TMEM132D: variants seen among roughly 807,000 people sequenced by gnomAD.
TMEM132D encodes mature OL transmembrane protein.
In TMEM132D, 21 loss-of-function variants were observed where a neutral mutation model predicts 62.3. The ratio of observed to expected loss-of-function variants is 0.34; its 90% confidence interval spans 0.24 to 0.49. The LOEUF (loss-of-function observed/expected upper bound fraction) is 0.49. TMEM132D is among the 20% of genes least tolerant of loss of function. The probability of loss-of-function intolerance (pLI) is 0.99; values close to 1 mark genes in which losing one functional copy is unlikely to be tolerated. For synonymous variants in TMEM132D, 621 were observed against 575.6 expected (o/e 1.08, Z -1.13); for missense variants, 1,346 against 1,402.8 (o/e 0.96, Z 0.65).
intron 3 of TMEM132D, among the ~76,000 whole-genome samples, chr12:129,457,571 C>A (rs182855445): frequency 6.6e-6 from 1 of 151,692 alleles, no homozygotes; most frequent in East Asian, 2.0e-4. Context: ...TGCACATGTA[C>A]CCTAAAACTT....
chr12:129,129,901 C>T (rs1386790377), intron 5 of TMEM132D, among the ~76,000 whole-genome samples: 3 of 152,160 alleles, frequency 2.0e-5, no homozygotes, highest in South Asian at 4.2e-4. Context: ...ATTAACACAT[C>T]CTCATATTTG....
chr12:129,276,845 T>C (rs1881020166), intron 4 of TMEM132D, among the ~76,000 whole-genome samples: 1 of 152,252 alleles, frequency 6.6e-6, no homozygotes, highest in South Asian at 2.1e-4. Context: ...AACGGATTTA[T>C]TGTTCTTACA....
intron 2 of TMEM132D, among the ~76,000 whole-genome samples, chr12:129,688,658 C>T (rs1880988468): frequency 6.6e-6 from 1 of 151,810 alleles, no homozygotes; most frequent in South Asian, 2.1e-4. Context: ...CAATGACATC[C>T]ACTCATCCTT....
intron 4 of TMEM132D, among the ~76,000 whole-genome samples, chr12:129,264,558 C>T (rs968747360): frequency 6.6e-6 from 1 of 152,150 alleles, no homozygotes; most frequent in African/African-American, 2.4e-5. Flanking sequence ...CCAGCAAACC[C>T]ACTACTGAGT....
intron 2 of TMEM132D, among the ~76,000 whole-genome samples, chr12:129,636,289 C>G (rs1240616029): frequency 6.6e-6 from 1 of 152,090 alleles, no homozygotes; most frequent in East Asian, 1.9e-4. Flanking sequence ...CAAAATACAT[C>G]AAAAAAATCT....
chr12:129,556,768 C>T (rs1301371776), intron 2 of TMEM132D, among the ~76,000 whole-genome samples: 1 of 152,172 alleles, frequency 6.6e-6, no homozygotes, highest in African/African-American at 2.4e-5. Flanking sequence ...TCCTCAGCTG[C>T]GCAGCATCAC....
At chr12:129,675,560 G>A (rs540315171) in intron 2 of TMEM132D, among the ~76,000 whole-genome samples, 26 of 152,224 alleles carry the variant, frequency 1.7e-4, no homozygotes, top group South Asian at 4.1e-4. Flanking sequence ...TAAAATTATC[G>A]TGTATGTTAC....
intron 3 of TMEM132D, among the ~76,000 whole-genome samples, chr12:129,372,828 T>C (rs1357287679): frequency 6.6e-6 from 1 of 152,078 alleles, no homozygotes; most frequent in Non-Finnish European, 1.5e-5. Flanking sequence ...CGTTATATGT[T>C]ACAATGTAAG....
intron 1 of TMEM132D, among the ~76,000 whole-genome samples, chr12:129,835,931 C>T (rs1872990736): frequency 6.6e-6 from 1 of 152,226 alleles, no homozygotes; most frequent in South Asian, 2.1e-4. Flanking sequence ...GATGGTACAA[C>T]TCCCAGATGC....
intron 3 of TMEM132D, among the ~76,000 whole-genome samples, chr12:129,416,238 G>T (rs2135708347): frequency 6.6e-6 from 1 of 152,282 alleles, no homozygotes; most frequent in Non-Finnish European, 1.5e-5. Context: ...TCCTTGAGCA[G>T]TGGTTTGTAG....
intron 3 of TMEM132D, among the ~76,000 whole-genome samples, chr12:129,446,592 C>A (rs1162876829): frequency 2.6e-5 from 4 of 152,176 alleles, no homozygotes; most frequent in African/African-American, 4.8e-5. Flanking sequence ...CTTCTCAAAT[C>A]TCTGCTCTTG....
chr12:129,583,056 C>T (rs145323602), intron 2 of TMEM132D, among the ~76,000 whole-genome samples: 2 of 152,220 alleles, frequency 1.3e-5, no homozygotes, highest in Non-Finnish European at 2.9e-5. Flanking sequence ...GATCTGCCCA[C>T]CTCAGCCTCC....
chr12:129,203,263 A>G (rs907628427), intron 5 of TMEM132D, among the ~76,000 whole-genome samples: 1 of 152,152 alleles, frequency 6.6e-6, no homozygotes, highest in African/African-American at 2.4e-5. Context: ...ATGTTATCTG[A>G]CCACATGACA....
At chr12:129,879,100 A>G (rs1223760071) in intron 1 of TMEM132D, among the ~76,000 whole-genome samples, 1 of 152,182 alleles carries the variant, frequency 6.6e-6, no homozygotes, top group African/African-American at 2.4e-5. Flanking sequence ...AATGCAGTCT[A>G]TTTTCCTTGT....
chr12:129,383,794 T>C (rs1217542117), intron 3 of TMEM132D, among the ~76,000 whole-genome samples: 2 of 152,204 alleles, frequency 1.3e-5, no homozygotes, highest in African/African-American at 2.4e-5. Context: ...CAATGGTTCT[T>C]GCCCTCACTG....
chr12:129,192,017 A>G (rs758862341), intron 5 of TMEM132D, among the ~76,000 whole-genome samples: 2 of 152,182 alleles, frequency 1.3e-5, no homozygotes, highest in Non-Finnish European at 2.9e-5. Context: ...TATCTTCTGA[A>G]CCCTGGGTCT....
intron 2 of TMEM132D, among the ~76,000 whole-genome samples, chr12:129,549,166 A>C (rs1239104364): frequency 4.6e-4 from 59 of 128,996 alleles, no homozygotes; most frequent in East Asian, 1.6e-3. Flanking sequence ...GTTCCCCCCT[A>C]CTGTTCTCGT....
rs1451389485 is a variant in TMEM132D at position 129,259,277 on chromosome 12, C to T, written c.1300-49614G>A. Among the ~76,000 whole-genome samples the T allele has an allele frequency of 2.6e-5, 4 of 152,172 alleles. No individual in the cohort carries two copies. In the South Asian group the frequency reaches 8.3e-4, roughly 32 times the overall value. On this transcript the variant is annotated intron_variant, in intron 4 of 8. Transcript: ENST00000422113. ...ATCCATACGGTGAGTGTTGGAAGCT[C>T]ATCTGGTAATGGTCAGCATCCTTGC...
At chr12:129,457,224 A>T (rs984913065) in intron 3 of TMEM132D, among the ~76,000 whole-genome samples, 1 of 152,188 alleles carries the variant, frequency 6.6e-6, no homozygotes, top group African/African-American at 2.4e-5. Flanking sequence ...GATTAAGAAA[A>T]TGTGGCACAT....
Sources: gnomAD v4.1 joint callset for allele counts (sites outside exome capture counted in the v4.1 genomes callset) on GRCh38, gnomAD v4.1.1 for gene constraint, MANE v1.5 for transcripts, NCBI Gene and HGNC (gene_info 2026-07-23, HGNC 2026-07-21) for gene names.